The following MSH3 variants were observed in gnomAD, a reference collection of about 807,000 sequenced individuals.
MSH3 encodes the protein DNA mismatch repair protein Msh3.
In MSH3, 106 loss-of-function variants were observed where a neutral mutation model predicts 123.3. That is an observed-to-expected ratio of 0.86 (90% confidence interval 0.73 to 1.01). MSH3 has a LOEUF of 1.01. MSH3 is among the 50% of genes least tolerant of loss of function. The pLI is 0.00. For missense variants in MSH3, 1,459 were observed against 1,347.6 expected (o/e 1.08, Z -1.29); for synonymous variants, 515 against 481.4 (o/e 1.07, Z -0.91).
chr5:80,803,090 A>G (rs1436201700), intron 19 of MSH3, among the ~76,000 whole-genome samples: 5 of 152,116 alleles, frequency 3.3e-5, no homozygotes, highest in African/African-American at 9.7e-5. Flanking sequence ...GCATATATAT[A>G]TATACCTAGC....
chr5:80,717,397 G>T (rs1750984684), intron 8 of MSH3, among the ~76,000 whole-genome samples: 1 of 152,114 alleles, frequency 6.6e-6, no homozygotes, highest in Non-Finnish European at 1.5e-5. Flanking sequence ...CGCCTGAGTA[G>T]CTGGGACTAC....
chr5:80,765,857 C>A (rs1281918393), intron 13 of MSH3, among the ~76,000 whole-genome samples: 1 of 152,118 alleles, frequency 6.6e-6, no homozygotes, highest in Non-Finnish European at 1.5e-5. Flanking sequence ...GGAAGTAAAT[C>A]TTTTGAAACA....
At chr5:80,740,416 G>A (rs1743590827) in intron 10 of MSH3, among the ~76,000 whole-genome samples, 1 of 150,140 alleles carries the variant, frequency 6.7e-6, no homozygotes, top group African/African-American at 2.4e-5. Flanking sequence ...GGAGTGCAGT[G>A]GCACAATCTT....
At chr5:80,669,961 G>A (rs1749667023) in intron 3 of MSH3, 136 bp from the exon 4 acceptor site, 5 of 788,624 alleles carry the variant, frequency 6.3e-6, no homozygotes, top group Non-Finnish European at 1.0e-5. Context: ...TTGCCGGAAT[G>A]CTACAATGTG....
chr5:80,850,720 T>A (rs938284987), intron 20 of MSH3, among the ~76,000 whole-genome samples: 1 of 152,222 alleles, frequency 6.6e-6, no homozygotes, highest in South Asian at 2.1e-4. Context: ...CAAGAAAAGA[T>A]GTGGCTGGGG....
chr5:80,703,976 C>T (rs1750665573), intron 8 of MSH3, among the ~76,000 whole-genome samples: 1 of 152,190 alleles, frequency 6.6e-6, no homozygotes, highest in African/African-American at 2.4e-5. Flanking sequence ...GGTGCCCAGC[C>T]AGCTGTAGTA....
chr5:80,744,060 T>G (rs1257320697), intron 11 of MSH3, among the ~76,000 whole-genome samples: 2 of 152,194 alleles, frequency 1.3e-5, no homozygotes, highest in Non-Finnish European at 2.9e-5. Flanking sequence ...ATAAAATCCT[T>G]CCTGGGTAAA....
chr5:80,656,670 C>A, intron 2 of MSH3, 139 bp downstream of exon 2: 1 of 1,107,878 alleles, frequency 9.0e-7, no homozygotes, highest in Non-Finnish European at 1.3e-6. Flanking sequence ...GCAGAGTGGC[C>A]CCCTATAGGT....
intron 8 of MSH3, among the ~76,000 whole-genome samples, chr5:80,716,989 C>G (rs969505554): frequency 1.3e-5 from 2 of 152,216 alleles, no homozygotes; most frequent in Admixed American, 6.5e-5. Flanking sequence ...CTTATTTTAC[C>G]TAACATAATG....
rs146516461 is a variant in MSH3, at chr5:80,735,349, A to C, written c.1569-6115A>C. On this transcript the variant is annotated intron_variant, in intron 10 of 23. Transcript: ENST00000265081. ...CAGTGAGCCAAGATCATGCCACTGC[A>C]CTCCAGCCTCGGTGACAGTGAGACT... Among the ~76,000 whole-genome samples, 233 of 139,134 alleles carry C rather than the reference A, an allele frequency of 1.7e-3. 6 individuals are homozygous for C. Among genetic ancestry groups the C allele is most frequent in the Non-Finnish European group, 6.0e-4 (40 of 66,480 alleles). 91.3% of individuals were successfully genotyped at this position (139,134 alleles called of 152,430 possible). A position where few individuals can be genotyped will look rare whatever the true frequency, so the allele number is the denominator to read the frequency against.
intron 3 of MSH3, among the ~76,000 whole-genome samples, chr5:80,668,514 G>T (rs1749622328): frequency 6.6e-6 from 1 of 152,178 alleles, no homozygotes; most frequent in Non-Finnish European, 1.5e-5. Flanking sequence ...TCCAGAGGGG[G>T]CCGAGGCAGC....
At chr5:80,839,461 G>A (rs771184958) in intron 20 of MSH3, among the ~76,000 whole-genome samples, 1 of 152,070 alleles carries the variant, frequency 6.6e-6, no homozygotes, top group Non-Finnish European at 1.5e-5. Context: ...ATTCTTAAGG[G>A]TATCCCAATG....
rs75686366 is a variant in MSH3, at chr5:80,734,690, T to C, written c.1568+5725T>C. ...TACTATTTTCTGGTAGTTATTTCCATGGTCCCACAGAGGTCCCTAAACGCC... is the reference window on the plus strand; with the variant it reads ...TACTATTTTCTGGTAGTTATTTCCACGGTCCCACAGAGGTCCCTAAACGCC... On this transcript the variant is annotated intron_variant, in intron 10 of 23. Coordinates refer to ENST00000265081, the MANE Select transcript of MSH3 (RefSeq NM_002439.5). Among the ~76,000 whole-genome samples, 46 of 152,310 alleles carry C rather than the reference T, an allele frequency of 3.0e-4. 2 individuals are homozygous for C. The East Asian group carries it at 8.3e-3, about 28-fold the overall frequency.
chr5:80,694,623 A>G (rs944711024), intron 8 of MSH3, among the ~76,000 whole-genome samples: 2 of 151,712 alleles, frequency 1.3e-5, no homozygotes, highest in Admixed American at 1.3e-4. Context: ...TTTTGTTTAG[A>G]GAACTTCCTT....
chr5:80,690,179 G>T (rs147690312), intron 8 of MSH3, among the ~76,000 whole-genome samples: 17 of 152,026 alleles, frequency 1.1e-4, no homozygotes, highest in Non-Finnish European at 2.4e-4. Context: ...TCAGCCTTGC[G>T]AGTTCTTGGA....
chr5:80,737,579 A>G (rs1016321404), intron 10 of MSH3, among the ~76,000 whole-genome samples: 1 of 152,218 alleles, frequency 6.6e-6, no homozygotes, highest in Non-Finnish European at 1.5e-5. Flanking sequence ...TTCTTCTACA[A>G]TGGTAAATAA....
intron 21 of MSH3, among the ~76,000 whole-genome samples, chr5:80,860,092 A>C (rs1397486160): frequency 7.3e-6 from 1 of 136,448 alleles, no homozygotes. Flanking sequence ...TATTTCACTT[A>C]TACTTAAGTG....
intron 8 of MSH3, among the ~76,000 whole-genome samples, chr5:80,698,074 A>AT (rs894799708): frequency 6.6e-6 from 1 of 151,602 alleles, no homozygotes; most frequent in East Asian, 1.9e-4. Flanking sequence ...CACCCAGCTA[A>AT]TTTTTTTTGT....
At chr5:80,704,903 C>T (rs996069388) in intron 8 of MSH3, among the ~76,000 whole-genome samples, 1 of 152,146 alleles carries the variant, frequency 6.6e-6, no homozygotes, top group Non-Finnish European at 1.5e-5. Context: ...CTCACAACCC[C>T]ATACAGTGAG....
Sources: allele counts gnomAD v4.1 joint callset (sites outside exome capture counted in the v4.1 genomes callset), GRCh38; gene constraint gnomAD v4.1.1; transcripts MANE v1.5; gene names NCBI Gene and HGNC (gene_info 2026-07-23, HGNC 2026-07-21).